Variants in GABRG3 observed in about 807,000 individuals in gnomAD.
GABRG3 encodes the protein gamma-aminobutyric acid receptor subunit gamma-3.
GABRG3 carries 25 observed loss-of-function variants against 48.8 expected under a neutral mutation model. That is an observed-to-expected ratio of 0.51 (90% CI 0.37 to 0.72). GABRG3 has a LOEUF of 0.72. Ranked by LOEUF, GABRG3 falls within the 30% of genes least tolerant of loss-of-function variation. The pLI, the probability that GABRG3 is intolerant of heterozygous loss-of-function variation, is 0.00. For missense variants in GABRG3, 394 were observed against 577.9 expected, an observed-to-expected ratio of 0.68 and a Z score of 3.26; for synonymous variants, 227 against 217.6, an observed-to-expected ratio of 1.04 and a Z score of -0.38.
intron 3 of GABRG3, among the ~76,000 whole-genome samples, chr15:27,122,324 G>A (rs1897745072): frequency 6.6e-6 from 1 of 152,198 alleles, no homozygotes; most frequent in Non-Finnish European, 1.5e-5. Flanking sequence ...GCTCAACACT[G>A]TACTGTTGTA....
At chr15:27,378,140 T>C (rs1306098994) in intron 5 of GABRG3, among the ~76,000 whole-genome samples, 1 of 152,200 alleles carries the variant, frequency 6.6e-6, no homozygotes, top group Non-Finnish European at 1.5e-5. Context: ...GCTGATGTCA[T>C]GATTTATCAG....
Position 27,260,758 on chromosome 15 carries a change from A to G in GABRG3, c.271-66051A>G, listed in dbSNP as rs114873052. ...AATCAAATGTCAAGAAAGACACTGG[A>G]TCCAGGAAACAGGAAGGCCAACATA... is the stretch of plus-strand genomic sequence containing the variant. On this transcript the variant is annotated intron_variant, in intron 3 of 9. Transcript: ENST00000615808. 4.5e-3 allele frequency among the ~76,000 whole-genome samples: 691 copies of G among 152,258 alleles called. 4 individuals are homozygous for G. Among genetic ancestry groups the G allele is most frequent in the African/African-American group, 0.016 (665 of 41,542 alleles).
chr15:27,023,489 G>T (rs1895933514), intron 2 of GABRG3, among the ~76,000 whole-genome samples: 1 of 152,090 alleles, frequency 6.6e-6, no homozygotes, highest in Non-Finnish European at 1.5e-5. Context: ...CCAGTCCCTG[G>T]AAACCAACAT....
chr15:27,388,452 T>C (rs1896116160), intron 5 of GABRG3, among the ~76,000 whole-genome samples: 1 of 149,964 alleles, frequency 6.7e-6, no homozygotes, highest in South Asian at 2.1e-4. Context: ...TTGGCTGTGA[T>C]TCAAACATTG....
chr15:26,983,011 A>C (rs1895082085), intron 2 of GABRG3, among the ~76,000 whole-genome samples: 1 of 152,226 alleles, frequency 6.6e-6, no homozygotes, highest in Non-Finnish European at 1.5e-5. Context: ...ATATTCAATC[A>C]GAAAACAGAG....
intron 3 of GABRG3, among the ~76,000 whole-genome samples, chr15:27,243,756 T>G (rs1262270280): frequency 6.6e-6 from 1 of 152,180 alleles, no homozygotes; most frequent in African/African-American, 2.4e-5. Flanking sequence ...TTAATACTAA[T>G]AAGGTTTAAA....
chr15:26,973,945 A>C (rs1894890015), intron 1 of GABRG3, among the ~76,000 whole-genome samples: 1 of 152,242 alleles, frequency 6.6e-6, no homozygotes, highest in Non-Finnish European at 1.5e-5. Context: ...TAACTTACTT[A>C]GAATTTAGGG....
intron 3 of GABRG3, among the ~76,000 whole-genome samples, chr15:27,031,785 G>A (rs192598987): frequency 3.9e-5 from 6 of 152,268 alleles, no homozygotes; most frequent in African/African-American, 1.2e-4. Flanking sequence ...ATTCCATTTG[G>A]TCATTACTGG....
At chr15:27,470,764 T>A (rs913313618) in intron 5 of GABRG3, among the ~76,000 whole-genome samples, 4 of 152,120 alleles carry the variant, frequency 2.6e-5, no homozygotes, top group African/African-American at 9.7e-5. Context: ...ATGCTTTTTT[T>A]AAATCATTTT....
At chr15:27,526,632 A>G (rs952281707) in intron 7 of GABRG3, among the ~76,000 whole-genome samples, 1 of 151,946 alleles carries the variant, frequency 6.6e-6, no homozygotes, top group Non-Finnish European at 1.5e-5. Flanking sequence ...CTTCTAAGCT[A>G]TCCATCTCGT....
rs183291739 is a variant in GABRG3 at position 27,494,820 on chromosome 15, A to G, written c.712+14033A>G. Among the ~76,000 whole-genome samples, 6 of 152,240 alleles carry G rather than the reference A, an allele frequency of 3.9e-5. No homozygotes were observed. In the East Asian group the frequency reaches 9.7e-4, roughly 25 times the overall value. ...CTTGTTTTTCTTCTATATCATTCTG[A>G]GTCATCAATTCCATTAATTTCTGTT... On this transcript the variant is annotated intron_variant, in intron 6 of 9. Transcript: ENST00000615808.
At chr15:27,094,978 T>C (rs962597612) in intron 3 of GABRG3, among the ~76,000 whole-genome samples, 3 of 152,194 alleles carry the variant, frequency 2.0e-5, no homozygotes, top group Non-Finnish European at 4.4e-5. Flanking sequence ...TCTGTGTCTA[T>C]ACCATAGTTT....
At chr15:27,448,577 C>T (rs1205953072) in intron 5 of GABRG3, among the ~76,000 whole-genome samples, 2 of 152,186 alleles carry the variant, frequency 1.3e-5, no homozygotes, top group African/African-American at 4.8e-5. Flanking sequence ...GATGGATACA[C>T]ACTATGTAAT....
intron 5 of GABRG3, among the ~76,000 whole-genome samples, chr15:27,420,391 G>A (rs1243934902): frequency 6.6e-6 from 1 of 152,184 alleles, no homozygotes. Context: ...TTGAACTTGG[G>A]GTATGAAAGA....
intron 3 of GABRG3, among the ~76,000 whole-genome samples, chr15:27,227,941 T>C (rs2140445126): frequency 6.6e-6 from 1 of 152,356 alleles, no homozygotes; most frequent in Admixed American, 6.5e-5. Context: ...TTTAATTGTC[T>C]TAGTGCATGT....
intron 3 of GABRG3, among the ~76,000 whole-genome samples, chr15:27,268,895 G>GATTC (rs1890999112): frequency 6.6e-6 from 1 of 152,084 alleles, no homozygotes; most frequent in African/African-American, 2.4e-5. Flanking sequence ...ACTCTTCTAA[G>GATTC]CCAGTTAGCT....
At chr15:27,192,989 C>G (rs1188704674) in intron 3 of GABRG3, among the ~76,000 whole-genome samples, 4 of 152,106 alleles carry the variant, frequency 2.6e-5, no homozygotes, top group Non-Finnish European at 4.4e-5. Context: ...CACTCCAGAC[C>G]CTGTTTGCCT....
chr15:27,086,814 G>T (rs542847474), intron 3 of GABRG3, among the ~76,000 whole-genome samples: 42 of 152,320 alleles, frequency 2.8e-4, no homozygotes, highest in Admixed American at 5.2e-4. Flanking sequence ...GGCTCTCTCT[G>T]AGGTGCTGTC....
At chr15:27,417,713 C>T (rs1344468848) in intron 5 of GABRG3, among the ~76,000 whole-genome samples, 1 of 152,214 alleles carries the variant, frequency 6.6e-6, no homozygotes, top group East Asian at 1.9e-4. Context: ...ACAAGATCAT[C>T]TTGGGTCAAG....
Sources: gnomAD v4.1 joint callset for allele counts (sites outside exome capture counted in the v4.1 genomes callset) on GRCh38, gnomAD v4.1.1 for gene constraint, MANE v1.5 for transcripts, NCBI Gene and HGNC (gene_info 2026-07-23, HGNC 2026-07-21) for gene names.